The following APOBEC3B variants were observed in gnomAD, a reference collection of about 807,000 sequenced individuals.
The protein encoded by APOBEC3B is DNA dC->dU-editing enzyme APOBEC-3B.
A neutral mutation model predicts 53.4 loss-of-function variants in APOBEC3B; 29 were observed. The observed-to-expected ratio is 0.54, with a 90% CI of 0.40 to 0.74. APOBEC3B has a LOEUF of 0.74. Ranked by LOEUF, APOBEC3B falls within the 30% of genes least tolerant of loss-of-function variation. The pLI is 0.00. For synonymous variants in APOBEC3B, 132 were observed against 184.8 expected, an observed-to-expected ratio of 0.71 and a Z score of 2.32; for missense variants, 347 against 496.2, an observed-to-expected ratio of 0.70 and a Z score of 2.86.
rs145538726 is a variant in APOBEC3B at position 38,989,483 on chromosome 22, C to T, written c.596C>T (p.Thr199Ile). The T allele has an allele frequency of 7.6e-6, 12 of 1,581,786 alleles. 2 individuals carry two copies. In the Admixed American group the frequency reaches 1.1e-4, roughly 14 times the overall value. ...LRYLMDPDTFTFNFNNDPLVL... is the reference protein window; with the variant it reads ...LRYLMDPDTFIFNFNNDPLVL... Reference sequence around the variant, plus strand: ...TACCTGATGGATCCAGACACATTCACTTTCAACTTTAATAATGACCCTTTG... The same window carrying T: ...TACCTGATGGATCCAGACACATTCATTTTCAACTTTAATAATGACCCTTTG... Residue 199 changes from threonine to isoleucine, a missense_variant, in exon 5 of 8, where the codon ACT becomes ATT. By Grantham distance (89) the Thr-to-Ile change is moderately conservative. This residue lies in a region of APOBEC3B where 156 missense variants were observed against 166.7 expected (regional missense o/e 0.94). Transcript: ENST00000333467.
rs2146294703 is a variant in APOBEC3B, at chr22:38,991,557, C to A, written c.949C>A (p.Pro317Thr). 1.3e-6 allele frequency: 2 copies of A among 1,593,298 alleles called. No homozygotes were observed. The highest frequency in any genetic ancestry group is 1.7e-6 in the Non-Finnish European group (2 of 1,172,558). The change falls in exon 6 of 8, where the codon CCC (proline) becomes ACC (threonine). Residue 317 changes from proline to threonine, a missense_variant. Physicochemically the swap from Pro to Thr is conservative, Grantham distance 38 (BLOSUM62 -1). Coordinates refer to ENST00000333467, the MANE Select transcript of APOBEC3B (RefSeq NM_004900.5). Reference protein sequence around the residue: ...IFAARIYDYDPLYKEALQMLR... With the variant: ...IFAARIYDYDTLYKEALQMLR... ...CGCTGCCCGCATCTATGATTACGAC[C>A]CCCTATATAAGGAGGCGCTGCAAAT...
chr22:38,991,101 A>G (rs1189479818), intron 5 of APOBEC3B, among the ~76,000 whole-genome samples: 1 of 147,586 alleles, frequency 6.8e-6, no homozygotes, highest in African/African-American at 2.5e-5. Flanking sequence ...ATAAAACCTC[A>G]TTGCTCCTGA....
chr22:38,985,424 C>A (rs143493406), intron 2 of APOBEC3B, among the ~76,000 whole-genome samples: 1 of 148,022 alleles, frequency 6.8e-6, no homozygotes, highest in Non-Finnish European at 1.5e-5. Context: ...CCTGGGATGT[C>A]GAGTCACAGC....
intron 5 of APOBEC3B, among the ~76,000 whole-genome samples, chr22:38,989,914 C>G (rs1040629120): frequency 1.3e-5 from 2 of 148,828 alleles, no homozygotes; most frequent in African/African-American, 4.9e-5. Context: ...CAGGGCCTAC[C>G]TGACTCACAA....
intron 2 of APOBEC3B, among the ~76,000 whole-genome samples, chr22:38,984,922 G>A (rs1460283342): frequency 9.2e-6 from 1 of 109,178 alleles, no homozygotes; most frequent in Non-Finnish European, 1.7e-5. Flanking sequence ...TTTTTTCCGA[G>A]ATGGAGTCTC....
chr22:38,989,452 C>A lies in APOBEC3B; in HGVS notation c.570-5C>A. ...GCTTTTGGTTTCCCCTGTCTTTGTC[C>A]ACAGATACCTGATGGATCCAGACAC... On this transcript the variant is annotated splice_polypyrimidine_tract_variant and splice_region_variant and intron_variant, in intron 4 of 7. Transcript: ENST00000333467. 1 of 1,561,382 alleles carries A rather than the reference C, an allele frequency of 6.4e-7. No individual in the cohort carries two copies.
chr22:38,987,283 C>A (rs1270173839), intron 4 of APOBEC3B, among the ~76,000 whole-genome samples: 2 of 148,082 alleles, frequency 1.4e-5, no homozygotes, highest in African/African-American at 4.9e-5. Context: ...CAGCCCCAGC[C>A]CTGGGCTCTC....
At chr22:38,990,006 T>C (rs1054852184) in intron 5 of APOBEC3B, among the ~76,000 whole-genome samples, 6 of 142,328 alleles carry the variant, frequency 4.2e-5, no homozygotes, top group Non-Finnish European at 9.2e-5. Context: ...TCAGGGGTTT[T>C]GTCCTGCCCA....
chr22:38,987,447 G>C (rs955639300), intron 4 of APOBEC3B, among the ~76,000 whole-genome samples: 1 of 148,542 alleles, frequency 6.7e-6, no homozygotes, highest in Non-Finnish European at 1.5e-5. Flanking sequence ...CCGCTGGGCT[G>C]GTGCTCCCTG....
chr22:38,986,319 A>G lies in APOBEC3B; in HGVS notation c.476A>G (p.Asn159Ser). 4 of 1,593,476 alleles carry G rather than the reference A, an allele frequency of 2.5e-6. 1 individual carries two copies. Among genetic ancestry groups the G allele is most frequent in the Non-Finnish European group, 3.4e-6 (4 of 1,172,542 alleles). The change falls in exon 4 of 8, where the codon AAC (asparagine) becomes AGC (serine). Residue 159 changes from asparagine (N) to serine (S), a missense_variant. Physicochemically the swap from Asn to Ser is conservative, Grantham distance 46. Coordinates refer to ENST00000333467, the MANE Select transcript of APOBEC3B (RefSeq NM_004900.5). ...TCAGAATTTGCATACTGCTGGGAAA[A>G]CTTTGTGTACAATGAAGGTCAGCAA... ...DYEEFAYCWE[N>S]FVYNEGQQFM...
In APOBEC3B at chr22:38,986,261, G is replaced by A. The variant is rs748637232; in HGVS notation, c.455-37G>A. The A allele has an allele frequency of 1.9e-6, 3 of 1,591,480 alleles. 1 individual carries two copies. The highest frequency in any genetic ancestry group is 5.0e-5 in the East Asian group (2 of 40,300). ...GGCCTGGGAGGACAGGCCAGGGTCA[G>A]GGGAGAGCCTGACTGCTTCCCGCTT... On this transcript the variant is annotated intron_variant, in intron 3 of 7. Coordinates refer to ENST00000333467, the MANE Select transcript of APOBEC3B (RefSeq NM_004900.5).
At chr22:38,988,748 C>CTTTCCTTCTTT (rs1317657637) in intron 4 of APOBEC3B, among the ~76,000 whole-genome samples, 1 of 65,900 alleles carries the variant, frequency 1.5e-5, no homozygotes, top group Non-Finnish European at 3.1e-5. Flanking sequence ...TTTCTTTCTT[C>CTTTCCTTCTTT]CTTTCTTCTC....
In APOBEC3B at chr22:38,982,387, A is replaced by G; in HGVS notation, c.-67A>G. 4 of 1,581,604 alleles carry G rather than the reference A, an allele frequency of 2.5e-6. 1 individual carries two copies. The Admixed American group carries it at 5.3e-5, about 21-fold the overall frequency. On this transcript the variant is annotated 5_prime_UTR_variant, in exon 1 of 8. Transcript: ENST00000333467. ...GTCCAACTGCAAGGACGCTGTAAGC[A>G]GGAAGTGAAACCACAGAGCTTCAAA...
intron 2 of APOBEC3B, among the ~76,000 whole-genome samples, chr22:38,985,043 A>G (rs1934434284): frequency 6.8e-6 from 1 of 147,176 alleles, no homozygotes; most frequent in Non-Finnish European, 1.5e-5. Flanking sequence ...CTGGGATTAC[A>G]GAAGGCTGCC....
At position 38,984,020 on chromosome 22, in the gene APOBEC3B, C is replaced by T. The variant is rs1923633449; in HGVS notation, c.18-55C>T. The T allele has an allele frequency of 1.2e-5, 19 of 1,552,036 alleles. 1 individual carries two copies. Among genetic ancestry groups the T allele is most frequent in the Middle Eastern group, 4.7e-4 (2 of 4,232 alleles). On this transcript the variant is annotated intron_variant, in intron 1 of 7. Coordinates refer to ENST00000333467, the MANE Select transcript of APOBEC3B (RefSeq NM_004900.5). ...AGCTGTGTTCAGTGGACATGAGCCC[C>T]GAGGACTCCCGGGAGGGCTCCCTGC... is the stretch of plus-strand genomic sequence containing the variant.
rs1348703239 is a variant in APOBEC3B, at chr22:38,983,657, G to C, written c.18-418G>C. On this transcript the variant is annotated intron_variant, in intron 1 of 7. Transcript: ENST00000333467. ...ACTTAGAAGAGTGGCCTGGGCCTCAGAATTCAGTTCTACCATGATTTTAAA... is the reference window on the plus strand; with the variant it reads ...ACTTAGAAGAGTGGCCTGGGCCTCACAATTCAGTTCTACCATGATTTTAAA... Among the ~76,000 whole-genome samples the C allele has an allele frequency of 4.0e-5, 6 of 149,340 alleles. 2 individuals carry two copies. The East Asian group carries it at 8.9e-4, about 22-fold the overall frequency.
chr22:38,986,183 G>A (rs1923731331), intron 3 of APOBEC3B, 92 bp downstream of exon 3: 1 of 1,576,232 alleles, frequency 6.3e-7, no homozygotes, highest in Non-Finnish European at 8.6e-7. Flanking sequence ...GTGTCCCAGG[G>A]CAGCCTGCAG....
chr22:38,989,363 G>A (rs1923895714), intron 4 of APOBEC3B, 94 bp from the exon 5 acceptor site: 1 of 1,240,364 alleles, frequency 8.1e-7, no homozygotes, highest in Non-Finnish European at 1.1e-6. Context: ...CAGTATATGG[G>A]GAGCAGGGAA....
intron 1 of APOBEC3B, 107 bp from the exon 2 acceptor site, chr22:38,983,968 G>C (rs1923631255): frequency 7.4e-7 from 1 of 1,348,458 alleles, no homozygotes; most frequent in South Asian, 1.5e-5. Flanking sequence ...CTGTGGAGGG[G>C]TCGGGGAGGC....
Sources: gnomAD v4.1 joint callset for allele counts (sites outside exome capture counted in the v4.1 genomes callset) on GRCh38, gnomAD v4.1.1 for gene constraint, gnomAD v4.1.1 regional missense constraint, MANE v1.5 for transcripts, NCBI Gene and HGNC (gene_info 2026-07-23, HGNC 2026-07-21) for gene names.